Variants in ZNF69 observed in about 807,000 individuals in gnomAD.
ZNF69 encodes the protein ZNF3.
A neutral mutation model predicts 50.9 loss-of-function variants in ZNF69; 47 were observed. The ratio of observed to expected loss-of-function variants is 0.92; its 90% CI spans 0.73 to 1.18. The LOEUF (loss-of-function observed/expected upper bound fraction) is 1.18, where lower values mean the gene tolerates loss of function less well. Among genes scored for constraint, ZNF69 ranks in the 50% most tolerant of loss-of-function variants. The probability of loss-of-function intolerance (pLI) is 0.00; values close to 1 mark genes in which losing one functional copy is unlikely to be tolerated. For missense variants in ZNF69, 717 were observed against 675.1 expected, an observed-to-expected ratio of 1.06 and a Z score of -0.69; for synonymous variants, 216 against 223.1, an observed-to-expected ratio of 0.97 and a Z score of 0.29.
chr19:11,952,796 A>G, the ZNF69 span, among the ~76,000 whole-genome samples: 1 of 152,186 alleles, frequency 6.6e-6, no homozygotes, highest in South Asian at 2.1e-4. Context: ...GCACCTGACC[A>G]GGTGCAGTGG....
the ZNF69 span, among the ~76,000 whole-genome samples, chr19:11,923,936 T>C: frequency 6.6e-6 from 1 of 151,956 alleles, no homozygotes; most frequent in Non-Finnish European, 1.5e-5. Flanking sequence ...CTTCTACAAG[T>C]GGCCTCCAGC....
At chr19:11,964,915 G>A in the ZNF69 span, 1 of 425,502 alleles carries the variant, frequency 2.4e-6, no homozygotes, top group South Asian at 2.5e-5. Context: ...GCTCTGCCGG[G>A]CCTGATACCC....
At chr19:11,965,014 A>T in the ZNF69 span, 22 of 582,580 alleles carry the variant, frequency 3.8e-5, no homozygotes, top group Non-Finnish European at 5.8e-5. Flanking sequence ...CCCATTGTTT[A>T]TCCAGGCACA....
chr19:11,953,065 G>A, the ZNF69 span: 2 of 152,104 alleles, frequency 1.3e-5, no homozygotes, highest in East Asian at 3.9e-4. Context: ...AACAGAGCGA[G>A]ACTCCATCAC....
chr19:11,974,113 CTTTCTTTCTTTCT>C, the ZNF69 span, among the ~76,000 whole-genome samples: 1,530 of 65,614 alleles, frequency 0.023, 14 homozygotes, highest in Non-Finnish European at 0.026. Flanking sequence ...TTCTTTCTTT[CTTTCTTTCTTTCT>C]TTTCTTTCTT....
chr19:11,928,987 A>C, the ZNF69 span, among the ~76,000 whole-genome samples: 2 of 147,934 alleles, frequency 1.4e-5, no homozygotes, highest in Non-Finnish European at 2.9e-5. Flanking sequence ...GTTTCCCTTC[A>C]GTCATTTACA....
the ZNF69 span, chr19:11,948,147 A>T: frequency 1.8e-6 from 2 of 1,121,594 alleles, no homozygotes; most frequent in African/African-American, 3.2e-5. Context: ...GTCACCTTCA[A>T]ACGATTCAGA....
the ZNF69 span, chr19:11,965,282 C>T: frequency 3.1e-6 from 5 of 1,604,618 alleles, no homozygotes; most frequent in East Asian, 6.7e-5. Context: ...CCGGCTGCGG[C>T]GGGACCCGGG....
intron 1 of ZNF69, among the ~76,000 whole-genome samples, chr19:11,892,035 T>G (rs1446314469): frequency 6.6e-6 from 1 of 152,112 alleles, no homozygotes; most frequent in Non-Finnish European, 1.5e-5. Flanking sequence ...GCTGGAGCAG[T>G]GGTGCGATCA....
chr19:11,971,155 C>T, the ZNF69 span, among the ~76,000 whole-genome samples: 1 of 152,162 alleles, frequency 6.6e-6, no homozygotes, highest in Non-Finnish European at 1.5e-5. Flanking sequence ...ACATTTGTTT[C>T]TGACAGTTCT....
At chr19:11,977,327 GTTT>G in the ZNF69 span, 10 of 1,609,190 alleles carry the variant, frequency 6.2e-6, no homozygotes, top group African/African-American at 9.4e-5. Context: ...TTTTTTCACA[GTTT>G]TATATTGCTT....
At chr19:11,973,775 G>A in the ZNF69 span, among the ~76,000 whole-genome samples, 1 of 150,094 alleles carries the variant, frequency 6.7e-6, no homozygotes, top group Non-Finnish European at 1.5e-5. Context: ...TGGCAGTTAT[G>A]AGTAAGGCTG....
At chr19:11,897,615 C>G (rs1178562626) in intron 1 of ZNF69, among the ~76,000 whole-genome samples, 2 of 149,760 alleles carry the variant, frequency 1.3e-5, no homozygotes, top group Non-Finnish European at 3.0e-5. Flanking sequence ...GCTCACGTCT[C>G]TAATCCCAGC....
chr19:11,969,597 A>G, the ZNF69 span, among the ~76,000 whole-genome samples: 1 of 152,092 alleles, frequency 6.6e-6, no homozygotes, highest in Non-Finnish European at 1.5e-5. Flanking sequence ...GTTTGGCCTC[A>G]TTGCTTCTTA....
intron 1 of ZNF69, among the ~76,000 whole-genome samples, chr19:11,902,951 C>T (rs367778251): frequency 6.6e-6 from 1 of 152,162 alleles, no homozygotes; most frequent in Non-Finnish European, 1.5e-5. Flanking sequence ...GTGGCTTTAG[C>T]CCTTGTTCAG....
chr19:11,890,200 G>C (rs1044365815), intron 1 of ZNF69, among the ~76,000 whole-genome samples: 14 of 152,152 alleles, frequency 9.2e-5, no homozygotes, highest in Admixed American at 2.6e-4. Context: ...GGGGTGTCAG[G>C]CTGGGGGATG....
chr19:11,948,173 A>G, the ZNF69 span: 1 of 1,346,488 alleles, frequency 7.4e-7, no homozygotes, highest in Admixed American at 2.3e-5. Flanking sequence ...CAGAAAGCCT[A>G]CACTTTGATG....
the ZNF69 span, among the ~76,000 whole-genome samples, chr19:11,940,492 G>A: frequency 9.9e-5 from 15 of 152,216 alleles, no homozygotes; most frequent in South Asian, 2.7e-3. Context: ...TTAAGGCAGC[G>A]CGTCTGGAGT....
the ZNF69 span, among the ~76,000 whole-genome samples, chr19:11,955,340 G>A: frequency 4.6e-5 from 7 of 151,094 alleles, no homozygotes; most frequent in Admixed American, 2.6e-4. Context: ...CTTAGAGGCC[G>A]TGTAGTACAT....
Sources: allele counts gnomAD v4.1 joint callset (sites outside exome capture counted in the v4.1 genomes callset), GRCh38; gene constraint gnomAD v4.1.1; transcripts MANE v1.5; gene names NCBI Gene and HGNC (gene_info 2026-07-23, HGNC 2026-07-21).